Variants in STPG2 observed in about 807,000 individuals in gnomAD.
STPG2 encodes the protein sperm-tail PG-rich repeat-containing protein 2.
In STPG2, 56 loss-of-function variants were observed where a neutral mutation model predicts 54.2. The observed-to-expected ratio is 1.03, with a 90% CI of 0.83 to 1.29. The LOEUF is 1.29. Ranked by LOEUF, STPG2 falls within the 50% of genes most tolerant of loss-of-function variation. The pLI is 0.00. For missense variants in STPG2, 596 were observed against 544.9 expected, an observed-to-expected ratio of 1.09 and a Z score of -0.93; for synonymous variants, 200 against 181.8, an observed-to-expected ratio of 1.10 and a Z score of -0.81.
chr4:97,593,090 C>G (rs889669830), intron 10 of STPG2, among the ~76,000 whole-genome samples: 1 of 152,122 alleles, frequency 6.6e-6, no homozygotes, highest in Non-Finnish European at 1.5e-5. Context: ...TCCCCAGGGT[C>G]CCAGCCTGGC....
At chr4:97,746,508 G>A (rs558868846) in intron 9 of STPG2, among the ~76,000 whole-genome samples, 22 of 151,372 alleles carry the variant, frequency 1.5e-4, no homozygotes, top group Non-Finnish European at 2.8e-4. Context: ...ATAATACTGA[G>A]AAGTAGCTTT....
chr4:98,074,052 T>G (rs1738084362), intron 5 of STPG2, among the ~76,000 whole-genome samples: 1 of 152,218 alleles, frequency 6.6e-6, no homozygotes, highest in African/African-American at 2.4e-5. Flanking sequence ...ATTTGGTATG[T>G]TCTTTTCTTT....
At chr4:97,677,928 T>C (rs1194347000) in intron 10 of STPG2, among the ~76,000 whole-genome samples, 1 of 152,180 alleles carries the variant, frequency 6.6e-6, no homozygotes, top group Non-Finnish European at 1.5e-5. Context: ...GATTAGGAGA[T>C]TGTTGTAGTT....
At chr4:98,120,919 G>A (rs1739661620) in intron 3 of STPG2, among the ~76,000 whole-genome samples, 1 of 152,132 alleles carries the variant, frequency 6.6e-6, no homozygotes, top group Non-Finnish European at 1.5e-5. Flanking sequence ...GGTCCCAGTT[G>A]TCAATTTTTG....
At chr4:97,959,991 A>G (rs1733828139) in intron 7 of STPG2, among the ~76,000 whole-genome samples, 1 of 152,162 alleles carries the variant, frequency 6.6e-6, no homozygotes, top group South Asian at 2.1e-4. Context: ...TCAAAAAGAT[A>G]ATCTACCATG....
At chr4:97,756,500 T>G (rs1725737134) in intron 9 of STPG2, among the ~76,000 whole-genome samples, 1 of 151,804 alleles carries the variant, frequency 6.6e-6, no homozygotes, top group Non-Finnish European at 1.5e-5. Flanking sequence ...TTTTTTGTAT[T>G]TTTTTAGTAG....
Position 97,909,117 on chromosome 4 carries a change from A to G in STPG2, c.1044+34780T>C, listed in dbSNP as rs1042722062. 8.6e-5 allele frequency among the ~76,000 whole-genome samples: 13 copies of G among 151,298 alleles called. 1 individual carries two copies. ...ATCAAAAGGCAAACAAACAAAAACA[A>G]AAACAAAAACAAACAGAAAGAGTGA... is the stretch of plus-strand genomic sequence containing the variant. On this transcript the variant is annotated intron_variant, in intron 8 of 10. Transcript: ENST00000295268.
chr4:97,504,116 T>A (rs1209919624), intron 4 of STPG2, among the ~76,000 whole-genome samples: 1 of 145,730 alleles, frequency 6.9e-6, no homozygotes, highest in East Asian at 2.0e-4. Flanking sequence ...AAATAAATAT[T>A]TATTTAAATA....
chr4:98,100,756 A>G (rs1331728563), intron 5 of STPG2, among the ~76,000 whole-genome samples: 4 of 148,520 alleles, frequency 2.7e-5, no homozygotes, highest in African/African-American at 1.0e-4. Context: ...GCTCACTGCA[A>G]CCTCTGCCTC....
intron 5 of STPG2, among the ~76,000 whole-genome samples, chr4:98,023,040 C>T (rs1578790682): frequency 1.3e-5 from 2 of 152,318 alleles, no homozygotes; most frequent in East Asian, 3.9e-4. Context: ...CTCCATCCAG[C>T]TTTGTTCTGT....
At position 97,865,097 on chromosome 4, in the gene STPG2, C is replaced by T. The variant is rs368605920; in HGVS notation, c.1045-24165G>A. On this transcript the variant is annotated intron_variant, in intron 8 of 10. Transcript: ENST00000295268. ...AAAAGCCAAAATTGACAAATGGGAT[C>T]TCATTAAACTAAAGAGCTTCTGCAC... 4.2e-3 allele frequency among the ~76,000 whole-genome samples: 642 copies of T among 152,228 alleles called. 3 individuals carry two copies. The highest frequency in any genetic ancestry group is 0.024 in the South Asian group (117 of 4,828).
chr4:97,722,252 CAT>C (rs1724472909), intron 9 of STPG2, among the ~76,000 whole-genome samples: 1 of 152,060 alleles, frequency 6.6e-6, no homozygotes, highest in Non-Finnish European at 1.5e-5. Context: ...TATTTCAAAA[CAT>C]AACATTTTAC....
chr4:97,817,559 T>A (rs962896916), intron 9 of STPG2, among the ~76,000 whole-genome samples: 1 of 152,054 alleles, frequency 6.6e-6, no homozygotes, highest in African/African-American at 2.4e-5. Context: ...CAGTTTTTAC[T>A]GTTGCATTTT....
intron 5 of STPG2, among the ~76,000 whole-genome samples, chr4:98,074,933 T>C (rs972308082): frequency 7.2e-6 from 1 of 138,040 alleles, no homozygotes; most frequent in African/African-American, 2.8e-5. Context: ...GTGCTGTATA[T>C]TATATACAGA....
chr4:98,022,153 T>C, intron 5 of STPG2, among the ~76,000 whole-genome samples: 1 of 152,202 alleles, frequency 6.6e-6, no homozygotes, highest in East Asian at 1.9e-4. Context: ...CAGTGGCTGG[T>C]ACTGGTTGTT....
At chr4:97,983,419 T>C (rs1234053885) in intron 5 of STPG2, among the ~76,000 whole-genome samples, 3 of 152,166 alleles carry the variant, frequency 2.0e-5, no homozygotes, top group African/African-American at 4.8e-5. Flanking sequence ...TTCAAATGCT[T>C]GGAGGGTTGG....
At chr4:97,613,066 C>T (rs1301914411) in intron 10 of STPG2, among the ~76,000 whole-genome samples, 2 of 152,072 alleles carry the variant, frequency 1.3e-5, no homozygotes, top group African/African-American at 4.8e-5. Context: ...TAACATCTTA[C>T]ATACCATTTA....
chr4:97,994,840 C>T (rs1735153066), intron 5 of STPG2, among the ~76,000 whole-genome samples: 1 of 152,066 alleles, frequency 6.6e-6, no homozygotes, highest in African/African-American at 2.4e-5. Flanking sequence ...GAGGATCAGG[C>T]AGTGGATGCA....
At chr4:97,888,453 T>C (rs1373192530) in intron 8 of STPG2, among the ~76,000 whole-genome samples, 4 of 152,242 alleles carry the variant, frequency 2.6e-5, no homozygotes, top group African/African-American at 7.2e-5. Flanking sequence ...ATACTGGAGC[T>C]TTAAGATTCA....
Sources: allele counts gnomAD v4.1 joint callset (sites outside exome capture counted in the v4.1 genomes callset), GRCh38; gene constraint gnomAD v4.1.1; transcripts MANE v1.5; gene names NCBI Gene and HGNC (gene_info 2026-07-23, HGNC 2026-07-21).